TMIGD1: variants seen among roughly 807,000 people sequenced by gnomAD.
TMIGD1 encodes transmembrane and immunoglobulin domain-containing protein 1.
Under a neutral mutation model 27.5 loss-of-function variants are expected in TMIGD1, and 29 were observed. The ratio of observed to expected loss-of-function variants is 1.05; its 90% CI spans 0.78 to 1.44. The LOEUF is 1.44. Ranked by LOEUF, TMIGD1 falls within the 40% of genes most tolerant of loss-of-function variation. The pLI is 0.00. For missense variants in TMIGD1, 334 were observed against 310.6 expected (o/e 1.08, Z -0.57); for synonymous variants, 109 against 110.3 (o/e 0.99, Z 0.07).
At chr17:30,319,374 A>G (rs1909542534) in intron 4 of TMIGD1, among the ~76,000 whole-genome samples, 1 of 135,726 alleles carries the variant, frequency 7.4e-6, no homozygotes, top group Admixed American at 7.9e-5. Flanking sequence ...GCAGTGAGCC[A>G]GGGTCGCGCT....
At chr17:30,318,640 G>A (rs1427128087) in intron 5 of TMIGD1, among the ~76,000 whole-genome samples, 170 bp downstream of exon 5, 1 of 152,126 alleles carries the variant, frequency 6.6e-6, no homozygotes, top group Non-Finnish European at 1.5e-5. Context: ...TACTCATAAT[G>A]TACATATAAT....
chr17:30,320,926 C>T (rs1047412594), intron 4 of TMIGD1, among the ~76,000 whole-genome samples: 2 of 152,084 alleles, frequency 1.3e-5, no homozygotes, highest in South Asian at 2.1e-4. Flanking sequence ...GGCTTGATCT[C>T]GGCTCACTGC....
At position 30,316,669 on chromosome 17, in the gene TMIGD1, G is replaced by A. The variant is rs377545453; in HGVS notation, c.*18C>T. ...CTGATGCAAAACTCTCTCTGTATTC[G>A]ATGGCATCTCAGCTTTCTCATCTGA... is the stretch of plus-strand genomic sequence containing the variant. On this transcript the variant is annotated 3_prime_UTR_variant, in exon 7 of 7. Transcript: ENST00000328886. 3.1e-5 allele frequency: 50 copies of A among 1,612,852 alleles called. No homozygotes were observed. Among genetic ancestry groups the A allele is most frequent in the Admixed American group, 6.7e-5 (4 of 59,924 alleles).
intron 5 of TMIGD1, among the ~76,000 whole-genome samples, chr17:30,318,012 G>C (rs1434263267): frequency 6.6e-6 from 1 of 152,000 alleles, no homozygotes; most frequent in African/African-American, 2.4e-5. Flanking sequence ...AGGCTACAGT[G>C]AGCTGTGATC....
At chr17:30,316,782 T>G (rs1243244917) in intron 6 of TMIGD1, 92 bp from the exon 7 acceptor site, 1 of 1,207,198 alleles carries the variant, frequency 8.3e-7, no homozygotes, top group Non-Finnish European at 1.2e-6. Context: ...AACATGCCTT[T>G]GTTCTTATTA....
chr17:30,331,910 T>A (rs1909991107), intron 2 of TMIGD1, 142 bp downstream of exon 2: 2 of 584,072 alleles, frequency 3.4e-6, no homozygotes, highest in Non-Finnish European at 6.1e-6. Context: ...TTATTGTTAG[T>A]TGACTCCTGT....
At chr17:30,331,420 C>A (rs890750892) in intron 2 of TMIGD1, among the ~76,000 whole-genome samples, 1 of 151,514 alleles carries the variant, frequency 6.6e-6, no homozygotes, top group Admixed American at 6.6e-5. Context: ...GAAAGATTTT[C>A]ATGTGAAATG....
chr17:30,333,634 C>CCCTTT (rs921282074), intron 1 of TMIGD1, among the ~76,000 whole-genome samples: 5 of 152,112 alleles, frequency 3.3e-5, no homozygotes, highest in African/African-American at 1.2e-4. Context: ...GCCAGGCTCA[C>CCCTTT]CCTTTCTGGC....
chr17:30,328,743 G>T (rs1909868213), intron 3 of TMIGD1, among the ~76,000 whole-genome samples: 1 of 152,056 alleles, frequency 6.6e-6, no homozygotes. Context: ...TTCACTCGAG[G>T]TTAGGAGCTT....
intron 4 of TMIGD1, among the ~76,000 whole-genome samples, chr17:30,320,106 C>T (rs1012782027): frequency 6.6e-6 from 1 of 151,470 alleles, no homozygotes; most frequent in Non-Finnish European, 1.5e-5. Context: ...GGTGCAATCT[C>T]GGCTCACTGC....
chr17:30,332,640 A>T (rs148089983), intron 1 of TMIGD1, among the ~76,000 whole-genome samples: 52 of 152,266 alleles, frequency 3.4e-4, no homozygotes, highest in African/African-American at 1.2e-3. Context: ...CCTCAATTGA[A>T]ACATGGCCTC....
rs1909494641 is a variant in TMIGD1 at position 30,318,535 on chromosome 17, A to T, written c.744+275T>A. 2.0e-5 allele frequency among the ~76,000 whole-genome samples: 3 copies of T among 152,212 alleles called. No individual in the cohort carries two copies. The South Asian group carries it at 6.2e-4, about 31-fold the overall frequency. On this transcript the variant is annotated intron_variant, in intron 5 of 6. Coordinates refer to ENST00000328886, the MANE Select transcript of TMIGD1 (RefSeq NM_206832.3). Reference sequence around the variant, plus strand: ...TAGCAACAATAAAGGGCAATTTAAAAGGAGGAAAATCAGCCCCCAATTGCC... The same window carrying T: ...TAGCAACAATAAAGGGCAATTTAAATGGAGGAAAATCAGCCCCCAATTGCC...
intron 4 of TMIGD1, among the ~76,000 whole-genome samples, chr17:30,319,215 C>A (rs981373221): frequency 8.1e-6 from 1 of 123,092 alleles, no homozygotes; most frequent in Non-Finnish European, 1.7e-5. Flanking sequence ...ACCAGCCTGG[C>A]CCACATGGTG....
chr17:30,332,164 G>C lies in TMIGD1; in HGVS notation c.-25-6C>G, dbSNP rs779075998. On this transcript the variant is annotated splice_region_variant and splice_polypyrimidine_tract_variant and intron_variant, in intron 1 of 6. Coordinates refer to ENST00000328886, the MANE Select transcript of TMIGD1 (RefSeq NM_206832.3). ...ATGAGTTAAACTCAGATCTACTAAG[G>C]GAAAAATAGTGCAGTTGGTTTTGTA... The C allele has an allele frequency of 1.1e-5, 18 of 1,572,218 alleles. No individual in the cohort carries two copies. The highest frequency in any genetic ancestry group is 1.7e-4 in the Middle Eastern group (1 of 5,958).
chr17:30,333,470 A>C (rs187035695), intron 1 of TMIGD1, among the ~76,000 whole-genome samples: 1 of 151,740 alleles, frequency 6.6e-6, no homozygotes, highest in African/African-American at 2.4e-5. Context: ...TAAAAAAATA[A>C]AAAAAAGCTG....
At chr17:30,319,545 G>A (rs1463995510) in intron 4 of TMIGD1, among the ~76,000 whole-genome samples, 2 of 151,100 alleles carry the variant, frequency 1.3e-5, no homozygotes, top group Non-Finnish European at 2.9e-5. Flanking sequence ...CCTAAAACAA[G>A]TAGACCATTT....
At chr17:30,333,882 C>G (rs1350570609) in intron 1 of TMIGD1, 118 bp downstream of exon 1, 2 of 150,616 alleles carry the variant, frequency 1.3e-5, no homozygotes, top group Non-Finnish European at 3.0e-5. Flanking sequence ...AAATCTATGT[C>G]TTCTCTTTCC....
chr17:30,325,637 T>C (rs1330084496), intron 3 of TMIGD1, among the ~76,000 whole-genome samples: 1 of 152,150 alleles, frequency 6.6e-6, no homozygotes, highest in Non-Finnish European at 1.5e-5. Context: ...CTGTAAAGAA[T>C]TTGCCACAGT....
chr17:30,328,923 C>T (rs1172678840), intron 3 of TMIGD1, among the ~76,000 whole-genome samples: 1 of 137,386 alleles, frequency 7.3e-6, no homozygotes, highest in Non-Finnish European at 1.5e-5. Flanking sequence ...GAGATTGCGC[C>T]ACTGAACTGC....
Sources: gnomAD v4.1 joint callset for allele counts (sites outside exome capture counted in the v4.1 genomes callset) on GRCh38, gnomAD v4.1.1 for gene constraint, MANE v1.5 for transcripts, NCBI Gene and HGNC (gene_info 2026-07-23, HGNC 2026-07-21) for gene names.